Variants in CSMD1 observed in about 807,000 individuals in gnomAD.
The protein encoded by CSMD1 is CUB and Sushi multiple domains 1.
A neutral mutation model predicts 417.5 loss-of-function variants in CSMD1; 213 were observed. The observed-to-expected ratio is 0.51, with a 90% CI of 0.46 to 0.57. The LOEUF (loss-of-function observed/expected upper bound fraction) is 0.57, where lower values mean the gene tolerates loss of function less well. Among genes scored for constraint, CSMD1 ranks in the 20% least tolerant of loss-of-function variants. The probability of loss-of-function intolerance (pLI) is 0.00; values close to 1 mark genes in which losing one functional copy is unlikely to be tolerated. For synonymous variants in CSMD1, 2,862 were observed against 1,736.8 expected (o/e 1.65, Z -16.11); for missense variants, 6,923 against 4,529.7 (o/e 1.53, Z -15.17).
At chr8:3,486,274 T>TA (rs869025956) in intron 11 of CSMD1, among the ~76,000 whole-genome samples, 1 of 49,616 alleles carries the variant, frequency 2.0e-5, no homozygotes, top group Non-Finnish European at 3.9e-5. Context: ...TTTAAAACTA[T>TA]TTTTTATCTA....
chr8:4,178,589 G>C (rs1397123903), intron 3 of CSMD1, among the ~76,000 whole-genome samples: 1 of 151,416 alleles, frequency 6.6e-6, no homozygotes. Flanking sequence ...AGGGCAATTA[G>C]GCAGGAGAAG....
chr8:4,058,020 C>G (rs559047301), intron 3 of CSMD1, among the ~76,000 whole-genome samples: 18 of 151,570 alleles, frequency 1.2e-4, no homozygotes, highest in African/African-American at 4.1e-4. Context: ...AATGTGGGCT[C>G]TTTTTTGGTT....
At chr8:3,383,800 T>C (rs565458232) in intron 18 of CSMD1, among the ~76,000 whole-genome samples, 1 of 152,064 alleles carries the variant, frequency 6.6e-6, no homozygotes, top group African/African-American at 2.4e-5. Context: ...CCAATAAATA[T>C]ACAAAAATGT....
intron 57 of CSMD1, among the ~76,000 whole-genome samples, chr8:2,967,636 G>A (rs1804084240): frequency 6.6e-6 from 1 of 152,112 alleles, no homozygotes. Flanking sequence ...AATAAAGGAA[G>A]TGACCCTTGG....
chr8:3,797,140 TAC>T (rs2129070770), intron 5 of CSMD1, among the ~76,000 whole-genome samples: 1 of 152,034 alleles, frequency 6.6e-6, no homozygotes, highest in African/African-American at 2.4e-5. Context: ...ACTAATAAAA[TAC>T]AGTCAACATA....
chr8:4,373,968 T>C (rs1317500663), intron 3 of CSMD1, among the ~76,000 whole-genome samples: 1 of 152,200 alleles, frequency 6.6e-6, no homozygotes, highest in African/African-American at 2.4e-5. Flanking sequence ...GTAGACTTGA[T>C]ATATACCATT....
chr8:4,382,392 G>A (rs999649041), intron 3 of CSMD1, among the ~76,000 whole-genome samples: 3 of 152,136 alleles, frequency 2.0e-5, no homozygotes, highest in East Asian at 3.8e-4. Context: ...GGAGAGGAGC[G>A]CATGGTCAAT....
intron 1 of CSMD1, among the ~76,000 whole-genome samples, chr8:4,653,736 G>A (rs535434515): frequency 6.6e-6 from 1 of 152,202 alleles, no homozygotes; most frequent in Non-Finnish European, 1.5e-5. Context: ...GAGGAAAATT[G>A]TATTCAAACA....
At chr8:3,771,172 G>A (rs1234032602) in intron 5 of CSMD1, among the ~76,000 whole-genome samples, 5 of 151,908 alleles carry the variant, frequency 3.3e-5, no homozygotes, top group Non-Finnish European at 7.4e-5. Context: ...ATGACTTGGT[G>A]CACTTTGGGG....
intron 1 of CSMD1, among the ~76,000 whole-genome samples, 173 bp downstream of exon 1, chr8:4,994,159 G>A (rs973863938): frequency 6.6e-6 from 1 of 152,146 alleles, no homozygotes; most frequent in African/African-American, 2.4e-5. Flanking sequence ...GCTGGGGAGA[G>A]CGCGATGGAA....
At chr8:4,828,369 A>T (rs1282978914) in intron 1 of CSMD1, among the ~76,000 whole-genome samples, 1 of 152,188 alleles carries the variant, frequency 6.6e-6, no homozygotes, top group Non-Finnish European at 1.5e-5. Context: ...TGACCTGAAT[A>T]TGGAAGACCA....
intron 64 of CSMD1, 109 bp from the exon 65 acceptor site, chr8:2,954,377 T>C (rs534783565): frequency 1.6e-6 from 1 of 628,008 alleles, no homozygotes; most frequent in South Asian, 2.0e-5. Context: ...TTTTTTAATG[T>C]ACAAAATATG....
intron 3 of CSMD1, among the ~76,000 whole-genome samples, chr8:4,222,757 G>C (rs1032380706): frequency 6.6e-6 from 1 of 152,148 alleles, no homozygotes; most frequent in Non-Finnish European, 1.5e-5. Flanking sequence ...CCCAGATGGA[G>C]GTTATAGTTT....
chr8:3,090,912 TGA>T (rs1420122820), intron 48 of CSMD1, among the ~76,000 whole-genome samples: 1 of 152,230 alleles, frequency 6.6e-6, no homozygotes, highest in African/African-American at 2.4e-5. Context: ...TTGACTGATT[TGA>T]TCAATTTGTT....
At chr8:3,627,209 A>G (rs10108630) in intron 7 of CSMD1, among the ~76,000 whole-genome samples, 31,211 of 152,082 alleles carry the variant, frequency 0.21, 3,318 homozygotes, top group East Asian at 0.25. Context: ...TGCAGACGCA[A>G]AATTGAGAGA....
At chr8:3,077,524 C>T (rs568733691) in intron 49 of CSMD1, among the ~76,000 whole-genome samples, 113 of 152,354 alleles carry the variant, frequency 7.4e-4, no homozygotes, top group Non-Finnish European at 1.4e-3. Flanking sequence ...AAGCCTCATC[C>T]TGGCTGGCAG....
intron 5 of CSMD1, among the ~76,000 whole-genome samples, chr8:3,971,948 C>G (rs1338349475): frequency 6.6e-6 from 1 of 151,982 alleles, no homozygotes; most frequent in Non-Finnish European, 1.5e-5. Context: ...CATTCTGTTG[C>G]CCAGGCTGGA....
chr8:4,153,729 G>T (rs1351663536), intron 3 of CSMD1, among the ~76,000 whole-genome samples: 1 of 152,204 alleles, frequency 6.6e-6, no homozygotes, highest in African/African-American at 2.4e-5. Flanking sequence ...AACCCATGCA[G>T]TGGGCACGGT....
intron 1 of CSMD1, among the ~76,000 whole-genome samples, chr8:4,929,635 T>A (rs1022791919): frequency 1.3e-5 from 2 of 152,208 alleles, no homozygotes; most frequent in African/African-American, 4.8e-5. Context: ...CATTTTCATC[T>A]GATTCAATTA....
Sources: gnomAD v4.1 joint callset for allele counts (sites outside exome capture counted in the v4.1 genomes callset) on GRCh38, gnomAD v4.1.1 for gene constraint, MANE v1.5 for transcripts, NCBI Gene and HGNC (gene_info 2026-07-23, HGNC 2026-07-21) for gene names.